The following VPS13B variants were observed in gnomAD, a reference collection of about 807,000 sequenced individuals.
The protein encoded by VPS13B is intermembrane lipid transfer protein VPS13B.
In VPS13B, 285 loss-of-function variants were observed where a neutral mutation model predicts 426.4. That is an observed-to-expected ratio of 0.67 (90% CI 0.61 to 0.74). The LOEUF is 0.74. Ranked by LOEUF, VPS13B falls within the 30% of genes least tolerant of loss-of-function variation. The pLI, the probability that VPS13B is intolerant of heterozygous loss-of-function variation, is 0.00. For synonymous variants in VPS13B, 1,676 were observed against 1,676.4 expected, an observed-to-expected ratio of 1.00 and a Z score of 0.01; for missense variants, 4,537 against 4,782.6, an observed-to-expected ratio of 0.95 and a Z score of 1.51.
chr8:99,577,881 A>G (rs901313563), intron 33 of VPS13B: 2 of 488,798 alleles, frequency 4.1e-6, no homozygotes, highest in Admixed American at 3.3e-5. Flanking sequence ...AACCTCTGTT[A>G]TATACATAAC....
intron 33 of VPS13B, among the ~76,000 whole-genome samples, chr8:99,590,366 G>C (rs1017036920): frequency 6.6e-6 from 1 of 151,958 alleles, no homozygotes; most frequent in Non-Finnish European, 1.5e-5. Context: ...GTTGTTTCTT[G>C]CCTTCTGGTA....
chr8:99,188,435 T>C (rs1317399662), intron 16 of VPS13B, among the ~76,000 whole-genome samples: 1 of 152,224 alleles, frequency 6.6e-6, no homozygotes, highest in Non-Finnish European at 1.5e-5. Context: ...CACTGAATAA[T>C]ATTCCTTTGT....
At chr8:99,568,902 C>T (rs899268614) in intron 31 of VPS13B, among the ~76,000 whole-genome samples, 5 of 151,156 alleles carry the variant, frequency 3.3e-5, no homozygotes, top group Admixed American at 3.3e-4. Flanking sequence ...AGCTCTGTCT[C>T]CCGGGTTCAC....
intron 19 of VPS13B, among the ~76,000 whole-genome samples, chr8:99,338,042 G>A (rs1322158511): frequency 1.3e-5 from 2 of 151,858 alleles, no homozygotes; most frequent in African/African-American, 4.8e-5. Flanking sequence ...ATTCTATTCT[G>A]GTTTTTTAAT....
chr8:99,481,922 C>A, intron 25 of VPS13B, 120 bp downstream of exon 25: 1 of 1,215,574 alleles, frequency 8.2e-7, no homozygotes, highest in Non-Finnish European at 1.2e-6. Flanking sequence ...TCTGAAGGTT[C>A]AAGAGGAGCT....
At chr8:99,624,007 A>ATATATATATATATATATT (rs1206203704) in intron 33 of VPS13B, among the ~76,000 whole-genome samples, 2 of 101,122 alleles carry the variant, frequency 2.0e-5, no homozygotes, top group African/African-American at 4.4e-5. Context: ...ATATATATAT[A>ATATATATATATATATATT]TTTTTTTTTT....
At chr8:99,167,824 G>T (rs10955204) in intron 15 of VPS13B, among the ~76,000 whole-genome samples, 39,378 of 151,866 alleles carry the variant, frequency 0.26, 5,757 homozygotes, top group East Asian at 0.43. Flanking sequence ...AATTTCTACT[G>T]GTAGTTATAC....
chr8:99,633,596 T>A (rs1207834585), intron 33 of VPS13B, among the ~76,000 whole-genome samples: 1 of 152,036 alleles, frequency 6.6e-6, no homozygotes, highest in African/African-American at 2.4e-5. Context: ...TTAATCCTAT[T>A]GAAAATCTTT....
intron 3 of VPS13B, among the ~76,000 whole-genome samples, chr8:99,069,324 C>T (rs1844727340): frequency 6.6e-6 from 1 of 152,134 alleles, no homozygotes; most frequent in Admixed American, 6.6e-5. Context: ...GTCCTAGCTA[C>T]TCTGAAGGCT....
chr8:99,259,652 A>G (rs559721474), intron 17 of VPS13B, among the ~76,000 whole-genome samples: 1 of 152,048 alleles, frequency 6.6e-6, no homozygotes, highest in Non-Finnish European at 1.5e-5. Context: ...TGTAACCACA[A>G]CTCTGTCCTC....
chr8:99,821,222 A>T lies in VPS13B; in HGVS notation c.8995-72A>T, dbSNP rs1056619048. On this transcript the variant is annotated intron_variant, in intron 49 of 61. Coordinates refer to ENST00000357162, the MANE Select transcript of VPS13B (RefSeq NM_152564.5). ...ACCTATTATATAATATTAAAAAAAA[A>T]ATCCTGAGGATTGAAGTAAAAAATA... 7.9e-6 allele frequency: 12 copies of T among 1,515,188 alleles called. No individual in the cohort carries two copies. In the African/African-American group the frequency reaches 1.4e-4, roughly 18 times the overall value. 93.9% of individuals were successfully genotyped at this position (1,515,188 alleles called of 1,614,324 possible).
At chr8:99,349,712 G>A (rs559239382) in intron 19 of VPS13B, among the ~76,000 whole-genome samples, 32 of 152,120 alleles carry the variant, frequency 2.1e-4, no homozygotes, top group Admixed American at 1.3e-4. Flanking sequence ...TTCTATAATC[G>A]TTGAAAAAAG....
rs550803559 is a variant in VPS13B, at chr8:99,220,143, C to T, written c.2515+27086C>T. ...GATGAGAAATTAGGTCTACAGAGAG[C>T]TTAAAGTCATCTGAAGTGACAAAGA... On this transcript the variant is annotated intron_variant, in intron 17 of 61. Transcript: ENST00000357162. 6.3e-3 allele frequency among the ~76,000 whole-genome samples: 958 copies of T among 152,158 alleles called. 9 individuals are homozygous for T. The highest frequency in any genetic ancestry group is 0.022 in the African/African-American group (895 of 41,510).
rs553003288 is a variant in VPS13B at position 99,436,762 on chromosome 8, CAG to C, written c.3210+5101_3210+5102del. Among the ~76,000 whole-genome samples the C allele has an allele frequency of 3.0e-3, 450 of 152,104 alleles. 1 individual carries two copies. Among genetic ancestry groups the C allele is most frequent in the South Asian group, 6.8e-3 (33 of 4,818 alleles). On this transcript the variant is annotated intron_variant, in intron 22 of 61. Coordinates refer to ENST00000357162, the MANE Select transcript of VPS13B (RefSeq NM_152564.5). ...TTTATCTTATTTTATTTTTTTGAGA[CAG>C]AGTCTTAGTTGTCGCCCAGGCTGGA...
intron 61 of VPS13B, among the ~76,000 whole-genome samples, chr8:99,873,790 C>G (rs1786478419): frequency 6.6e-6 from 1 of 152,196 alleles, no homozygotes; most frequent in Admixed American, 6.5e-5. Flanking sequence ...GGGTGGCCAG[C>G]AGCACTGCCT....
chr8:99,064,622 C>CTA, intron 3 of VPS13B, among the ~76,000 whole-genome samples: 6 of 152,292 alleles, frequency 3.9e-5, no homozygotes, highest in African/African-American at 1.4e-4. Flanking sequence ...AAAACCAAAT[C>CTA]TGCTTTTGAT....
chr8:99,384,272 G>A lies in VPS13B; in HGVS notation c.2889G>A (p.Trp963Ter), dbSNP rs386834078. The A allele has an allele frequency of 9.3e-6, 15 of 1,613,792 alleles. No individual in the cohort carries two copies. The highest frequency in any genetic ancestry group is 1.7e-5 in the Admixed American group (1 of 59,980). ...ATATTGACCCAATCTTATATACGTG[G>A]CTCATCTATCAGCCTCAGAAACGAA... ...AVNIDPILYT[W>*]LIYQPQKRTS... Residue 963 changes from tryptophan to a stop codon, truncating the protein, a stop_gained, in exon 20 of 62, where the codon TGG (tryptophan) becomes TGA (stop). Transcript: ENST00000357162. LOFTEE classifies it high-confidence loss of function.
chr8:99,056,082 G>A (rs1304107576), intron 3 of VPS13B, among the ~76,000 whole-genome samples: 1 of 151,482 alleles, frequency 6.6e-6, no homozygotes, highest in East Asian at 1.9e-4. Context: ...TTTGAGACAG[G>A]ATTTTGCTCT....
At chr8:99,424,213 A>G (rs958215686) in intron 21 of VPS13B, 37 of 151,198 alleles carry the variant, frequency 2.4e-4, no homozygotes, top group Admixed American at 2.4e-3. Context: ...CTGTTTTATC[A>G]GAGACTAGGA....
Sources: gnomAD v4.1 joint callset for allele counts (sites outside exome capture counted in the v4.1 genomes callset) on GRCh38, gnomAD v4.1.1 for gene constraint, MANE v1.5 for transcripts, NCBI Gene and HGNC (gene_info 2026-07-23, HGNC 2026-07-21) for gene names.